Variants in MAGI3 observed in about 807,000 individuals in gnomAD.
MAGI3 encodes membrane-associated guanylate kinase, WW and PDZ domain-containing protein 3.
Under a neutral mutation model 121.8 loss-of-function variants are expected in MAGI3, and 43 were observed. That is an observed-to-expected ratio of 0.35 (90% CI 0.28 to 0.46). The LOEUF (loss-of-function observed/expected upper bound fraction) is 0.46. Ranked by LOEUF, MAGI3 falls within the 20% of genes least tolerant of loss-of-function variation. The pLI is 1.00. For synonymous variants in MAGI3, 553 were observed against 639.3 expected (o/e 0.86, Z 2.04); for missense variants, 1,547 against 1,797.3 (o/e 0.86, Z 2.52).
intron 1 of MAGI3, among the ~76,000 whole-genome samples, chr1:113,535,441 A>G (rs1325713506): frequency 6.6e-6 from 1 of 152,160 alleles, no homozygotes; most frequent in Non-Finnish European, 1.5e-5. Context: ...AATATTGTAT[A>G]CTAAATGCTA....
intron 19 of MAGI3, among the ~76,000 whole-genome samples, chr1:113,677,777 A>G (rs1434084633): frequency 6.6e-6 from 1 of 151,218 alleles, no homozygotes; most frequent in Admixed American, 6.6e-5. Context: ...CTCTGTCCCC[A>G]TAATTATTTT....
At chr1:113,430,330 A>G (rs1653240382) in intron 1 of MAGI3, among the ~76,000 whole-genome samples, 1 of 152,172 alleles carries the variant, frequency 6.6e-6, no homozygotes. Context: ...AAATGGAAGC[A>G]TTATACTTAA....
At chr1:113,617,954 A>G (rs889323388) in intron 7 of MAGI3, among the ~76,000 whole-genome samples, 3 of 152,180 alleles carry the variant, frequency 2.0e-5, no homozygotes, top group Admixed American at 2.0e-4. Context: ...GAGCTCTTAA[A>G]CTATTTAATA....
intron 1 of MAGI3, among the ~76,000 whole-genome samples, chr1:113,431,114 GC>G (rs942005818): frequency 1.3e-5 from 2 of 152,082 alleles, no homozygotes; most frequent in African/African-American, 4.8e-5. Flanking sequence ...GTAAAAAGGG[GC>G]TGGGGCCTGG....
At position 113,642,190 on chromosome 1, in the gene MAGI3, C is replaced by G. The variant is rs780936327; in HGVS notation, c.1640C>G (p.Thr547Ser). 1.1e-5 allele frequency: 18 copies of G among 1,614,162 alleles called. No homozygotes were observed. The highest frequency in any genetic ancestry group is 1.5e-5 in the Non-Finnish European group (18 of 1,180,034). Residue 547 changes from threonine to serine, a missense_variant, in exon 10 of 21, where the codon ACT becomes AGT. Coordinates refer to ENST00000307546, the MANE Select transcript of MAGI3 (RefSeq NM_001142782.2). The part of the protein sequence containing the change: ...VLEQNGKSGH[T>S]LTGDGLNGPS... ...GAGCAGAATGGAAAATCGGGACACA[C>G]TTTGACTGGTGATGGTCTCAATGGA...
intron 9 of MAGI3, among the ~76,000 whole-genome samples, chr1:113,636,234 C>A (rs1652011499): frequency 6.6e-6 from 1 of 152,044 alleles, no homozygotes; most frequent in Non-Finnish European, 1.5e-5. Flanking sequence ...TCCTTCAGTT[C>A]TGTTCTGATT....
chr1:113,650,759 G>A (rs1571000425), intron 13 of MAGI3, among the ~76,000 whole-genome samples: 1 of 152,070 alleles, frequency 6.6e-6, no homozygotes, highest in South Asian at 2.1e-4. Context: ...TTGAGTTATC[G>A]AACAACTTTG....
chr1:113,598,193 CAG>C (rs1179425399), intron 6 of MAGI3, among the ~76,000 whole-genome samples: 1 of 151,946 alleles, frequency 6.6e-6, no homozygotes, highest in Non-Finnish European at 1.5e-5. Context: ...GCCTGGGCAA[CAG>C]AGCGAGACTC....
intron 1 of MAGI3, among the ~76,000 whole-genome samples, chr1:113,476,870 G>A (rs897590973): frequency 3.3e-5 from 5 of 152,120 alleles, no homozygotes; most frequent in Admixed American, 1.3e-4. Flanking sequence ...TCTCTTTGTA[G>A]GTCTCTTAAG....
chr1:113,566,493 A>G (rs1271115239), intron 2 of MAGI3, among the ~76,000 whole-genome samples: 1 of 152,246 alleles, frequency 6.6e-6, no homozygotes, highest in Non-Finnish European at 1.5e-5. Context: ...ATCCAATAAC[A>G]GCAGAATATA....
At chr1:113,681,141 C>A in intron 19 of MAGI3, 57 bp from the exon 20 acceptor site, 2 of 1,578,344 alleles carry the variant, frequency 1.3e-6, no homozygotes, top group Non-Finnish European at 1.7e-6. Flanking sequence ...CTGACAAAAG[C>A]AGAATTTACA....
intron 1 of MAGI3, among the ~76,000 whole-genome samples, chr1:113,394,504 T>C (rs544968955): frequency 6.6e-6 from 1 of 152,218 alleles, no homozygotes; most frequent in Non-Finnish European, 1.5e-5. Context: ...TTTTGTGATA[T>C]ACTACTATGA....
chr1:113,488,252 A>G (rs1036890248), intron 1 of MAGI3, among the ~76,000 whole-genome samples: 3 of 152,214 alleles, frequency 2.0e-5, no homozygotes, highest in African/African-American at 7.2e-5. Flanking sequence ...GTGGATCCCA[A>G]AGGGTTTGGT....
At chr1:113,412,114 C>A (rs1652032802) in intron 1 of MAGI3, among the ~76,000 whole-genome samples, 1 of 148,302 alleles carries the variant, frequency 6.7e-6, no homozygotes, top group Non-Finnish European at 1.5e-5. Context: ...TGAGTGAGAA[C>A]ATGCAGTGTT....
At chr1:113,515,078 T>G (rs1657820091) in intron 1 of MAGI3, among the ~76,000 whole-genome samples, 1 of 152,096 alleles carries the variant, frequency 6.6e-6, no homozygotes, top group Non-Finnish European at 1.5e-5. Flanking sequence ...GGTTTCTGAA[T>G]AAAAGTTTCT....
Position 113,683,765 on chromosome 1 carries a change from A to C in MAGI3, c.4197A>C (p.Lys1399Asn), listed in dbSNP as rs1361642796. 16 of 1,604,322 alleles carry C rather than the reference A, an allele frequency of 1.0e-5. No individual in the cohort carries two copies. Among genetic ancestry groups the C allele is most frequent in the Non-Finnish European group, 1.0e-5 (12 of 1,174,966 alleles). ...TTGETSSSNDKIGENVQLSEK... is the reference protein window; with the variant it reads ...TTGETSSSNDNIGENVQLSEK... ...GAGAAACAAGTTCTAGTAACGATAAAATAGGAGAAAATGTCCAGCTATCAG... is the reference window on the plus strand; with the variant it reads ...GAGAAACAAGTTCTAGTAACGATAACATAGGAGAAAATGTCCAGCTATCAG... Residue 1399 changes from lysine to asparagine, a missense_variant, in exon 21 of 21, where the codon AAA becomes AAC. Coordinates refer to ENST00000307546, the MANE Select transcript of MAGI3 (RefSeq NM_001142782.2).
chr1:113,423,946 C>T (rs1198502478), intron 1 of MAGI3, among the ~76,000 whole-genome samples: 2 of 152,170 alleles, frequency 1.3e-5, no homozygotes, highest in African/African-American at 4.8e-5. Flanking sequence ...CTTGCACACC[C>T]GGCCTAGTTG....
chr1:113,570,172 G>A (rs1358060993), intron 2 of MAGI3, among the ~76,000 whole-genome samples: 2 of 152,100 alleles, frequency 1.3e-5, no homozygotes, highest in Non-Finnish European at 2.9e-5. Flanking sequence ...TTAGTTTGCT[G>A]AGAATGATGG....
chr1:113,645,651 C>T lies in MAGI3; in HGVS notation c.1999-835C>T, dbSNP rs116346342. Among the ~76,000 whole-genome samples, 1,161 of 152,272 alleles carry T rather than the reference C, an allele frequency of 7.6e-3. 8 individuals carry two copies. The highest frequency in any genetic ancestry group is 0.015 in the South Asian group (71 of 4,822). On this transcript the variant is annotated intron_variant, in intron 11 of 20. Coordinates refer to ENST00000307546, the MANE Select transcript of MAGI3 (RefSeq NM_001142782.2). The stretch of plus-strand genomic sequence containing the variant: ...GGTGATTGAAGGGTCCCCTCTAGCA[C>T]GACACTTTGTAGTGGCTGACCCCTG...
Sources: gnomAD v4.1 joint callset for allele counts (sites outside exome capture counted in the v4.1 genomes callset) on GRCh38, gnomAD v4.1.1 for gene constraint, MANE v1.5 for transcripts, NCBI Gene and HGNC (gene_info 2026-07-23, HGNC 2026-07-21) for gene names.